Variants in PLSCR1 observed in about 807,000 individuals in gnomAD.
PLSCR1 encodes the protein phospholipid scramblase 1.
Under a neutral mutation model 37.8 loss-of-function variants are expected in PLSCR1, and 17 were observed. That is an observed-to-expected ratio of 0.45 (90% confidence interval 0.31 to 0.68). The LOEUF is 0.68. Ranked by LOEUF, PLSCR1 falls within the 30% of genes least tolerant of loss-of-function variation. PLSCR1 has a pLI of 0.06. For missense variants in PLSCR1, 347 were observed against 380.9 expected, an observed-to-expected ratio of 0.91 and a Z score of 0.74; for synonymous variants, 116 against 125.9, an observed-to-expected ratio of 0.92 and a Z score of 0.53.
chr3:146,534,007 G>A (rs2044233583), intron 2 of PLSCR1, among the ~76,000 whole-genome samples: 1 of 151,794 alleles, frequency 6.6e-6, no homozygotes, highest in Admixed American at 6.6e-5. Flanking sequence ...ATATACTTCA[G>A]TATTTATATA....
At chr3:146,521,256 T>C (rs2044015565) in intron 7 of PLSCR1, among the ~76,000 whole-genome samples, 1 of 152,154 alleles carries the variant, frequency 6.6e-6, no homozygotes, top group Admixed American at 6.5e-5. Flanking sequence ...AAATGGATAA[T>C]ATACAGTGTC....
chr3:146,522,342 A>G (rs1476489810), intron 5 of PLSCR1, among the ~76,000 whole-genome samples: 2 of 152,174 alleles, frequency 1.3e-5, no homozygotes. Flanking sequence ...TTTGTTCTGT[A>G]CTAAGAAAAA....
At chr3:146,544,228 C>T (rs896637398) in intron 1 of PLSCR1, among the ~76,000 whole-genome samples, 1 of 152,178 alleles carries the variant, frequency 6.6e-6, no homozygotes, top group African/African-American at 2.4e-5. Context: ...CCGCCTGGGG[C>T]CCCTTGCCGT....
chr3:146,516,068 C>T lies in PLSCR1; in HGVS notation c.934G>A (p.Glu312Lys), dbSNP rs2108613643. The T allele has an allele frequency of 1.2e-6, 2 of 1,608,748 alleles. No individual in the cohort carries two copies. The highest frequency in any genetic ancestry group is 4.5e-5 in the East Asian group (2 of 44,660). Residue 312 changes from glutamate (E) to lysine (K), a missense_variant, in exon 9 of 9, where the codon GAA becomes AAA. Transcript: ENST00000342435. Reference sequence around the variant, plus strand: ...CACTACCACACTCCTGATTTTTGTTCCTGGCTGCCAGTGCTTTCAAAAAAC... The same window carrying T: ...CACTACCACACTCCTGATTTTTGTTTCTGGCTGCCAGTGCTTTCAAAAAAC... Reference protein sequence around the residue: ...FMFFESTGSQEQKSGVW With the variant: ...FMFFESTGSQKQKSGVW
At chr3:146,516,263 T>C (rs1025617878) in intron 8 of PLSCR1, among the ~76,000 whole-genome samples, 162 bp from the exon 9 acceptor site, 1 of 152,222 alleles carries the variant, frequency 6.6e-6, no homozygotes, top group Non-Finnish European at 1.5e-5. Flanking sequence ...TTATATAAGT[T>C]CTGCCTTTGG....
Position 146,517,039 on chromosome 3 carries a change from C to T in PLSCR1, c.867G>A (p.Met289Ile). The T allele has an allele frequency of 1.3e-6, 2 of 1,598,702 alleles. No individual in the cohort carries two copies. Among genetic ancestry groups the T allele is most frequent in the Non-Finnish European group, 1.7e-6 (2 of 1,173,390 alleles). ...IQFPLDLDVK[M>I]KAVMIGACFL... ...AACAGGCACCAATCATTACAGCTTT[C>T]ATTTTAACATCAAGGTCTAAAGGGA... The change falls in exon 8 of 9, where the codon ATG (methionine) becomes ATA (isoleucine). Residue 289 changes from methionine (M) to isoleucine (I), a missense_variant. By Grantham distance (10) the Met-to-Ile change is conservative (BLOSUM62 1). Coordinates refer to ENST00000342435, the MANE Select transcript of PLSCR1 (RefSeq NM_021105.3).
At chr3:146,539,391 C>T (rs1339035602) in intron 1 of PLSCR1, among the ~76,000 whole-genome samples, 3 of 152,194 alleles carry the variant, frequency 2.0e-5, no homozygotes, top group African/African-American at 7.2e-5. Flanking sequence ...AGCTGCTCAG[C>T]TCCTGCTGTA....
chr3:146,538,355 A>G (rs2044293317), intron 1 of PLSCR1, among the ~76,000 whole-genome samples: 1 of 152,222 alleles, frequency 6.6e-6, no homozygotes, highest in Admixed American at 6.5e-5. Flanking sequence ...TTCTACCATC[A>G]AAGACTATAC....
Position 146,521,603 on chromosome 3 carries a change from C to T in PLSCR1, c.679G>A (p.Val227Ile), listed in dbSNP as rs1419115583. 6.2e-7 allele frequency: 1 copy of T among 1,613,808 alleles called. No homozygotes were observed. Among genetic ancestry groups the T allele is most frequent in the East Asian group, 2.2e-5 (1 of 44,890 alleles). ...FTIQNEKREDVLKISGPCVVC... is the reference protein window; with the variant it reads ...FTIQNEKREDILKISGPCVVC... ...ACACATGGACCACTTATTTTTAGTA[C>T]ATCCTCTCTTTTCTCATTTTGAATT... The change falls in exon 7 of 9, where the codon GTA (valine) becomes ATA (isoleucine). Residue 227 changes from valine (V) to isoleucine (I), a missense_variant. Transcript: ENST00000342435.
intron 3 of PLSCR1, among the ~76,000 whole-genome samples, chr3:146,530,545 T>A (rs2108648720): frequency 6.6e-6 from 1 of 152,266 alleles, no homozygotes; most frequent in African/African-American, 2.4e-5. Context: ...GGGCAGGGTA[T>A]GAGGCAGTTA....
At chr3:146,531,219 C>G (rs991207679) in intron 3 of PLSCR1, among the ~76,000 whole-genome samples, 1 of 152,182 alleles carries the variant, frequency 6.6e-6, no homozygotes, top group Admixed American at 6.5e-5. Context: ...AGAGCAACGT[C>G]CTGGGACAGT....
At chr3:146,543,167 C>T (rs550568914) in intron 1 of PLSCR1, among the ~76,000 whole-genome samples, 5 of 152,072 alleles carry the variant, frequency 3.3e-5, no homozygotes, top group East Asian at 1.9e-4. Context: ...TAAAGGAAGA[C>T]GAGTGAGGTT....
intron 5 of PLSCR1, among the ~76,000 whole-genome samples, chr3:146,525,148 G>A (rs952378152): frequency 2.0e-5 from 3 of 152,166 alleles, no homozygotes; most frequent in East Asian, 1.9e-4. Flanking sequence ...ATCTGACCTC[G>A]TATACAAAGG....
Position 146,528,693 on chromosome 3 carries a change from A to G in PLSCR1, c.233T>C (p.Val78Ala), listed in dbSNP as rs1480016230. 8.1e-6 allele frequency: 13 copies of G among 1,606,008 alleles called. No individual in the cohort carries two copies. The highest frequency in any genetic ancestry group is 1.0e-5 in the Non-Finnish European group (12 of 1,172,576). The change falls in exon 4 of 9, where the codon GTT (valine) becomes GCT (alanine). Residue 78 changes from valine to alanine, a missense_variant. Coordinates refer to ENST00000342435, the MANE Select transcript of PLSCR1 (RefSeq NM_021105.3). ...CATCCATGGTACCCCTGCAGCTCCAACTGGCTGATTATATACTGGCTGATT... is the reference window on the plus strand; with the variant it reads ...CATCCATGGTACCCCTGCAGCTCCAGCTGGCTGATTATATACTGGCTGATT... ...VYNQPVYNQP[V>A]GAAGVPWMPA...
intron 5 of PLSCR1, among the ~76,000 whole-genome samples, chr3:146,525,215 C>G (rs947724208): frequency 6.6e-6 from 1 of 152,180 alleles, no homozygotes; most frequent in Non-Finnish European, 1.5e-5. Context: ...TGATAATTTT[C>G]CCAAACTTCC....
rs535383644 is a variant in PLSCR1 at position 146,544,077 on chromosome 3, C to G, written c.-14+390G>C. Among the ~76,000 whole-genome samples the G allele has an allele frequency of 2.6e-5, 4 of 152,258 alleles. No homozygotes were observed. The East Asian group carries it at 5.8e-4, about 22-fold the overall frequency. ...ACTACGCTGGCACATGCTCCTGAGCCCAGACTCTACCCAGGATTCAGGGCC... is the reference window on the plus strand; with the variant it reads ...ACTACGCTGGCACATGCTCCTGAGCGCAGACTCTACCCAGGATTCAGGGCC... On this transcript the variant is annotated intron_variant, in intron 1 of 8. Transcript: ENST00000342435.
intron 3 of PLSCR1, among the ~76,000 whole-genome samples, chr3:146,532,630 A>C (rs2044214573): frequency 6.6e-6 from 1 of 152,190 alleles, no homozygotes; most frequent in South Asian, 2.1e-4. Flanking sequence ...ACATTTGTTT[A>C]CTCAGAGAAG....
At chr3:146,522,540 G>T (rs1269324108) in intron 5 of PLSCR1, among the ~76,000 whole-genome samples, 1 of 152,136 alleles carries the variant, frequency 6.6e-6, no homozygotes, top group Non-Finnish European at 1.5e-5. Flanking sequence ...AGTACCCAGG[G>T]ACACAAAACA....
rs771440725 is a variant in PLSCR1, at chr3:146,533,457, G to T, written c.94+13C>A. The T allele has an allele frequency of 2.0e-6, 3 of 1,510,776 alleles. No individual in the cohort carries two copies. Among genetic ancestry groups the T allele is most frequent in the Non-Finnish European group, 2.7e-6 (3 of 1,095,788 alleles). 93.6% of individuals were successfully genotyped at this position (1,510,776 alleles called of 1,614,324 possible). The stretch of plus-strand genomic sequence containing the variant: ...ATTAATTTTACTTTTTCTTCTTTCA[G>T]CAACTGCTTTACCTTGGAATGCTGT... On this transcript the variant is annotated intron_variant, in intron 3 of 8. Coordinates refer to ENST00000342435, the MANE Select transcript of PLSCR1 (RefSeq NM_021105.3).
Sources: gnomAD v4.1 joint callset for allele counts (sites outside exome capture counted in the v4.1 genomes callset) on GRCh38, gnomAD v4.1.1 for gene constraint, MANE v1.5 for transcripts, NCBI Gene and HGNC (gene_info 2026-07-23, HGNC 2026-07-21) for gene names.